Variants in IFT57 observed in about 807,000 individuals in gnomAD.
The protein encoded by IFT57 is intraflagellar transport protein 57 homolog.
A neutral mutation model predicts 56.8 loss-of-function variants in IFT57; 59 were observed. The observed-to-expected ratio is 1.04, with a 90% CI of 0.84 to 1.29. The LOEUF is 1.29. Ranked by LOEUF, IFT57 falls within the 50% of genes most tolerant of loss-of-function variation. IFT57 has a pLI of 0.00. For synonymous variants in IFT57, 209 were observed against 186.1 expected, an observed-to-expected ratio of 1.12 and a Z score of -1.00; for missense variants, 470 against 522.1, an observed-to-expected ratio of 0.90 and a Z score of 0.97.
At chr3:108,210,608 C>T (rs1028398849) in intron 4 of IFT57, among the ~76,000 whole-genome samples, 1 of 152,128 alleles carries the variant, frequency 6.6e-6, no homozygotes, top group Non-Finnish European at 1.5e-5. Flanking sequence ...GCTGGAATTA[C>T]AGGTGTAAGC....
intron 6 of IFT57, among the ~76,000 whole-genome samples, chr3:108,181,780 C>G (rs2080152126): frequency 6.6e-6 from 1 of 152,050 alleles, no homozygotes; most frequent in Admixed American, 6.6e-5. Flanking sequence ...AGCTATTATT[C>G]CTGCATTGAG....
chr3:108,163,784 T>C, intron 9 of IFT57, 55 bp from the exon 10 acceptor site: 1 of 1,128,108 alleles, frequency 8.9e-7, no homozygotes, highest in African/African-American at 1.5e-5. Flanking sequence ...TTTCACAATT[T>C]TTGAATTATG....
chr3:108,170,624 T>G (rs2080087414), intron 6 of IFT57, among the ~76,000 whole-genome samples: 1 of 151,844 alleles, frequency 6.6e-6, no homozygotes, highest in African/African-American at 2.4e-5. Context: ...ACCATTGACT[T>G]TCTACCCAGA....
chr3:108,179,765 T>C (rs1035406568), intron 6 of IFT57, among the ~76,000 whole-genome samples: 67 of 152,078 alleles, frequency 4.4e-4, no homozygotes, highest in African/African-American at 1.5e-3. Flanking sequence ...AGGATAATTA[T>C]AGAATGTGGC....
At chr3:108,198,933 A>G (rs2080261339) in intron 5 of IFT57, among the ~76,000 whole-genome samples, 1 of 151,890 alleles carries the variant, frequency 6.6e-6, no homozygotes, top group African/African-American at 2.4e-5. Context: ...ACATTACCAC[A>G]TATTTGTATT....
At chr3:108,177,285 A>G (rs1377010886) in intron 6 of IFT57, among the ~76,000 whole-genome samples, 1 of 151,802 alleles carries the variant, frequency 6.6e-6, no homozygotes, top group Non-Finnish European at 1.5e-5. Flanking sequence ...CAAACATTTA[A>G]GAAATAATTA....
At chr3:108,192,171 T>C (rs2080219001) in intron 5 of IFT57, among the ~76,000 whole-genome samples, 1 of 40,504 alleles carries the variant, frequency 2.5e-5, no homozygotes, top group Admixed American at 3.3e-4. Context: ...CGAGACTCTG[T>C]CTCAAAAAAA....
chr3:108,199,627 T>G (rs1050261095), intron 5 of IFT57, among the ~76,000 whole-genome samples: 6 of 152,230 alleles, frequency 3.9e-5, no homozygotes, highest in Non-Finnish European at 8.8e-5. Context: ...ATAGGCAAGG[T>G]GCAATCACTG....
intron 4 of IFT57, among the ~76,000 whole-genome samples, chr3:108,209,919 T>C (rs1243796009): frequency 6.9e-6 from 1 of 145,216 alleles, no homozygotes; most frequent in Non-Finnish European, 1.5e-5. Flanking sequence ...TTTCTATATG[T>C]GTGTGTGTGT....
chr3:108,165,619 A>G (rs763141896), intron 8 of IFT57, 126 bp from the exon 9 acceptor site: 23 of 727,152 alleles, frequency 3.2e-5, no homozygotes, highest in Non-Finnish European at 5.5e-5. Flanking sequence ...GTTTGTGAAT[A>G]CATTTGTGAA....
At chr3:108,182,573 G>A (rs186273751) in intron 6 of IFT57, among the ~76,000 whole-genome samples, 180 of 152,182 alleles carry the variant, frequency 1.2e-3, no homozygotes, top group African/African-American at 4.1e-3. Flanking sequence ...TCAAGGCAAC[G>A]CTTATACAGT....
At chr3:108,213,602 C>T (rs1244814438) in intron 4 of IFT57, among the ~76,000 whole-genome samples, 3 of 152,118 alleles carry the variant, frequency 2.0e-5, no homozygotes, top group Admixed American at 1.3e-4. Context: ...ATCCTAAATT[C>T]TTTTGTTCTG....
chr3:108,206,372 G>A (rs1490887627), intron 5 of IFT57, among the ~76,000 whole-genome samples: 4 of 151,672 alleles, frequency 2.6e-5, no homozygotes, highest in South Asian at 4.2e-4. Context: ...ATGTCACCAG[G>A]CAAATTATTT....
At chr3:108,180,052 T>C (rs1382742885) in intron 6 of IFT57, among the ~76,000 whole-genome samples, 1 of 152,012 alleles carries the variant, frequency 6.6e-6, no homozygotes, top group Non-Finnish European at 1.5e-5. Flanking sequence ...TAAAACACTG[T>C]ACATCATCGG....
At chr3:108,191,702 G>C in intron 5 of IFT57, 59 bp from the exon 6 acceptor site, 1 of 1,410,170 alleles carries the variant, frequency 7.1e-7, no homozygotes, top group South Asian at 1.3e-5. Flanking sequence ...GTAAAAATTT[G>C]AGGCATTTTA....
At chr3:108,221,979 C>T (rs770244861) in intron 1 of IFT57, 132 bp downstream of exon 1, 30 of 1,474,164 alleles carry the variant, frequency 2.0e-5, no homozygotes, top group Non-Finnish European at 2.7e-5. Flanking sequence ...GTGAAGTGCC[C>T]TTCCCTGGCT....
At chr3:108,218,237 A>G (rs1235695333) in intron 3 of IFT57, among the ~76,000 whole-genome samples, 1 of 149,992 alleles carries the variant, frequency 6.7e-6, no homozygotes, top group Non-Finnish European at 1.5e-5. Context: ...TGTACAAGAG[A>G]CTTTAAAAAA....
chr3:108,183,490 C>T (rs2080162926), intron 6 of IFT57, among the ~76,000 whole-genome samples: 2 of 152,148 alleles, frequency 1.3e-5, no homozygotes, highest in Admixed American at 6.6e-5. Context: ...GCCAAATATC[C>T]TCCCCTCCCT....
chr3:108,184,469 T>A (rs1273291558), intron 6 of IFT57, among the ~76,000 whole-genome samples: 2 of 152,010 alleles, frequency 1.3e-5, no homozygotes, highest in Non-Finnish European at 2.9e-5. Flanking sequence ...TATAAACACA[T>A]AAAATATACA....
Sources: gnomAD v4.1 joint callset for allele counts (sites outside exome capture counted in the v4.1 genomes callset) on GRCh38, gnomAD v4.1.1 for gene constraint, MANE v1.5 for transcripts, NCBI Gene and HGNC (gene_info 2026-07-23, HGNC 2026-07-21) for gene names.